Variants in RBL1 observed in about 807,000 individuals in gnomAD.
RBL1 encodes retinoblastoma-like protein 1.
In RBL1, 82 loss-of-function variants were observed where a neutral mutation model predicts 123.0. The observed-to-expected ratio is 0.67, with a 90% CI of 0.56 to 0.80. The LOEUF (loss-of-function observed/expected upper bound fraction) is 0.80, where lower values mean the gene tolerates loss of function less well. RBL1 is among the 30% of genes least tolerant of loss of function. RBL1 has a pLI of 0.00. For synonymous variants in RBL1, 405 were observed against 441.3 expected, an observed-to-expected ratio of 0.92 and a Z score of 1.03; for missense variants, 1,171 against 1,299.6, an observed-to-expected ratio of 0.90 and a Z score of 1.52.
At chr20:37,017,062 C>T (rs968901925) in intron 19 of RBL1, among the ~76,000 whole-genome samples, 1 of 151,870 alleles carries the variant, frequency 6.6e-6, no homozygotes, top group Non-Finnish European at 1.5e-5. Context: ...ATGTCTCACA[C>T]TGTGGCATTA....
At chr20:37,057,952 C>T (rs540304491) in intron 9 of RBL1, among the ~76,000 whole-genome samples, 2 of 151,872 alleles carry the variant, frequency 1.3e-5, no homozygotes, top group African/African-American at 2.4e-5. Context: ...ATGGTAAAAC[C>T]CCGTCTCTAC....
chr20:37,011,079 C>T (rs1229620545), intron 19 of RBL1, among the ~76,000 whole-genome samples: 1 of 152,086 alleles, frequency 6.6e-6, no homozygotes, highest in Non-Finnish European at 1.5e-5. Flanking sequence ...CTCAGCCTTC[C>T]AAAGTGCTGG....
At chr20:37,029,329 C>T (rs1045291198) in intron 16 of RBL1, among the ~76,000 whole-genome samples, 1 of 152,106 alleles carries the variant, frequency 6.6e-6, no homozygotes, top group Non-Finnish European at 1.5e-5. Context: ...TCCCCATGTA[C>T]AAAAAGATGG....
intron 18 of RBL1, among the ~76,000 whole-genome samples, chr20:37,019,800 C>G (rs547558789): frequency 6.6e-6 from 1 of 152,196 alleles, no homozygotes; most frequent in East Asian, 1.9e-4. Flanking sequence ...TACTTGTGTT[C>G]TTCAGGTACA....
chr20:37,069,759 C>A (rs994624921), intron 2 of RBL1, among the ~76,000 whole-genome samples: 2 of 151,552 alleles, frequency 1.3e-5, no homozygotes, highest in Non-Finnish European at 2.9e-5. Context: ...GGGGGGTCAG[C>A]CCCCCGCCAG....
rs111639001 is a variant in RBL1 at position 37,038,036 on chromosome 20, G to C, written c.1903+2117C>G. 3.1e-3 allele frequency among the ~76,000 whole-genome samples: 448 copies of C among 142,818 alleles called. 8 individuals carry two copies. Among genetic ancestry groups the C allele is most frequent in the African/African-American group, 0.011 (434 of 38,226 alleles). 93.7% of individuals were successfully genotyped at this position (142,818 alleles called of 152,430 possible). A position where few individuals can be genotyped will look rare whatever the true frequency, so the allele number is the denominator to read the frequency against. ...GAGATGCAGTCTTGCTCTGTCCCCA[G>C]GCTGGAGTACAGTGGTGCGATCTCC... On this transcript the variant is annotated intron_variant, in intron 14 of 21. Transcript: ENST00000373664.
At chr20:37,075,764 C>A (rs1600587818) in intron 2 of RBL1, among the ~76,000 whole-genome samples, 1 of 152,074 alleles carries the variant, frequency 6.6e-6, no homozygotes, top group African/African-American at 2.4e-5. Context: ...CTAATTTGTT[C>A]ACTTTTCTAG....
At chr20:37,001,394 C>T (rs1215283480) in intron 21 of RBL1, among the ~76,000 whole-genome samples, 1 of 150,554 alleles carries the variant, frequency 6.6e-6, no homozygotes, top group Non-Finnish European at 1.5e-5. Flanking sequence ...ACATGGGAGA[C>T]TTTTCATTTT....
rs969574536 is a variant in RBL1, at chr20:36,998,691, G to A, written c.*68C>T. ...TATCATCTATAGGGCTAAAAGGTTTGAAGGACAGAGCTCCAACTTTCTGCA... is the reference window on the plus strand; with the variant it reads ...TATCATCTATAGGGCTAAAAGGTTTAAAGGACAGAGCTCCAACTTTCTGCA... On this transcript the variant is annotated 3_prime_UTR_variant, in exon 22 of 22. Coordinates refer to ENST00000373664, the MANE Select transcript of RBL1 (RefSeq NM_002895.5). 2.1e-6 allele frequency: 3 copies of A among 1,423,316 alleles called. No homozygotes were observed. The highest frequency in any genetic ancestry group is 2.1e-5 in the Admixed American group (1 of 47,664). 88.2% of individuals were successfully genotyped at this position (1,423,316 alleles called of 1,614,324 possible).
At chr20:37,003,971 T>C in intron 20 of RBL1, 105 bp from the exon 21 acceptor site, 1 of 984,990 alleles carries the variant, frequency 1.0e-6, no homozygotes, top group South Asian at 3.1e-5. Context: ...ACAGTTATAC[T>C]GTAAAAAGCT....
At chr20:37,077,236 C>T (rs1316454589) in intron 2 of RBL1, among the ~76,000 whole-genome samples, 1 of 152,046 alleles carries the variant, frequency 6.6e-6, no homozygotes, top group East Asian at 1.9e-4. Flanking sequence ...CTTGCCCAGC[C>T]ATCTATATAT....
chr20:37,077,117 TAG>T (rs2065376859), intron 2 of RBL1, among the ~76,000 whole-genome samples: 1 of 152,010 alleles, frequency 6.6e-6, no homozygotes, highest in South Asian at 2.1e-4. Flanking sequence ...TTTGTAGTTT[TAG>T]AGAGACTGGG....
intron 21 of RBL1, among the ~76,000 whole-genome samples, chr20:37,001,156 C>T (rs1171953121): frequency 6.7e-6 from 1 of 150,370 alleles, no homozygotes; most frequent in African/African-American, 2.4e-5. Context: ...CCAGCCGCCC[C>T]GTCCGGGAGG....
intron 2 of RBL1, among the ~76,000 whole-genome samples, chr20:37,069,042 G>T (rs1346443042): frequency 6.6e-6 from 1 of 152,262 alleles, no homozygotes; most frequent in Non-Finnish European, 1.5e-5. Context: ...GTTTCGCTGT[G>T]TTGGCCAGGC....
chr20:37,057,538 G>A (rs966850985), intron 9 of RBL1, among the ~76,000 whole-genome samples: 6 of 152,074 alleles, frequency 3.9e-5, no homozygotes, highest in Non-Finnish European at 8.8e-5. Context: ...TCCTTTATAC[G>A]TTTTTAAATT....
chr20:37,080,966 T>C (rs1277777685), intron 2 of RBL1, among the ~76,000 whole-genome samples: 1 of 152,198 alleles, frequency 6.6e-6, no homozygotes, highest in Non-Finnish European at 1.5e-5. Context: ...ATAATACCTG[T>C]ATGCATTGGG....
intron 1 of RBL1, among the ~76,000 whole-genome samples, chr20:37,091,483 C>T (rs769645661): frequency 6.6e-6 from 1 of 151,610 alleles, no homozygotes; most frequent in South Asian, 2.1e-4. Context: ...GCCTAGGAAA[C>T]ATAGTGAGAC....
In RBL1 at chr20:37,044,079, G is replaced by C; in HGVS notation, c.1770+7C>G. The C allele has an allele frequency of 6.5e-7, 1 of 1,530,190 alleles. No individual in the cohort carries two copies. Among genetic ancestry groups the C allele is most frequent in the Non-Finnish European group, 8.9e-7 (1 of 1,125,822 alleles). The allele number at this position is 1,530,190 out of a possible 1,614,324, so 94.8% of individuals were successfully genotyped here. A position where few individuals can be genotyped will look rare whatever the true frequency, so the allele number is the denominator to read the frequency against. On this transcript the variant is annotated splice_region_variant and intron_variant, in intron 13 of 21. Transcript: ENST00000373664. ...ATGATACGATTATCAGCCTTGCCCA[G>C]ACTCACTTCTTCACAGGTAGGAACT... is the stretch of plus-strand genomic sequence containing the variant.
chr20:37,012,723 C>T (rs1463852254), intron 19 of RBL1, among the ~76,000 whole-genome samples: 188 of 151,564 alleles, frequency 1.2e-3, no homozygotes, highest in African/African-American at 4.4e-3. Context: ...CCAGCCGCCC[C>T]GTCCGGGAGG....
Sources: allele counts gnomAD v4.1 joint callset (sites outside exome capture counted in the v4.1 genomes callset), GRCh38; gene constraint gnomAD v4.1.1; transcripts MANE v1.5; gene names NCBI Gene and HGNC (gene_info 2026-07-23, HGNC 2026-07-21).